The following GABBR2 variants were observed in gnomAD, a reference collection of about 807,000 sequenced individuals.
GABBR2 encodes the protein G-protein coupled receptor 51.
In GABBR2, 23 loss-of-function variants were observed where a neutral mutation model predicts 105.6. That is an observed-to-expected ratio of 0.22 (90% CI 0.16 to 0.31). The LOEUF is 0.31. Ranked by LOEUF, GABBR2 falls within the 10% of genes least tolerant of loss-of-function variation. The pLI is 1.00. For missense variants in GABBR2, 734 were observed against 1,245.5 expected (o/e 0.59, Z 6.18); for synonymous variants, 478 against 499.7 (o/e 0.96, Z 0.58).
chr9:98,394,114 A>C, intron 9 of GABBR2, 61 bp downstream of exon 9: 1 of 1,193,476 alleles, frequency 8.4e-7, no homozygotes. Context: ...ACCCTTAGAC[A>C]ATGTCCAGGC....
chr9:98,340,737 C>T lies in GABBR2; in HGVS notation c.1893+21978G>A, dbSNP rs555315802. Among the ~76,000 whole-genome samples the T allele has an allele frequency of 2.6e-5, 4 of 152,316 alleles. No homozygotes were observed. The South Asian group carries it at 8.3e-4, about 32-fold the overall frequency. On this transcript the variant is annotated intron_variant, in intron 13 of 18. Coordinates refer to ENST00000259455, the MANE Select transcript of GABBR2 (RefSeq NM_005458.8). Reference sequence around the variant, plus strand: ...GAGCACCCTGATGATGAACCATTTACCAAGAGGTAGGTTGGTTGGAGTTTA... The same window carrying T: ...GAGCACCCTGATGATGAACCATTTATCAAGAGGTAGGTTGGTTGGAGTTTA...
At chr9:98,553,179 C>A (rs1828522433) in intron 2 of GABBR2, among the ~76,000 whole-genome samples, 2 of 151,800 alleles carry the variant, frequency 1.3e-5, no homozygotes, top group African/African-American at 4.8e-5. Context: ...CCACTGCACT[C>A]AGCATATTCT....
Position 98,303,428 on chromosome 9 carries a change from A to C in GABBR2, c.2230-5T>G. 6.2e-7 allele frequency: 1 copy of C among 1,613,586 alleles called. No individual in the cohort carries two copies. The highest frequency in any genetic ancestry group is 8.5e-7 in the Non-Finnish European group (1 of 1,179,630). ...GTTTGTTCTCAGGGTGATGAGCTGAAAGGACAAAGGTTGGGGCGGGGTTGA... is the reference window on the plus strand; with the variant it reads ...GTTTGTTCTCAGGGTGATGAGCTGACAGGACAAAGGTTGGGGCGGGGTTGA... On this transcript the variant is annotated splice_polypyrimidine_tract_variant and splice_region_variant and intron_variant, in intron 15 of 18. Transcript: ENST00000259455.
At chr9:98,635,270 C>T (rs936575464) in intron 1 of GABBR2, among the ~76,000 whole-genome samples, 1 of 152,194 alleles carries the variant, frequency 6.6e-6, no homozygotes, top group Admixed American at 6.5e-5. Context: ...TTGGGGACAG[C>T]CACTGAGGTT....
chr9:98,656,219 A>G (rs1337276982), intron 1 of GABBR2, among the ~76,000 whole-genome samples: 1 of 152,154 alleles, frequency 6.6e-6, no homozygotes, highest in Non-Finnish European at 1.5e-5. Flanking sequence ...AAATGGATCC[A>G]GGAGATATTA....
chr9:98,592,592 T>G (rs921144617), intron 1 of GABBR2, among the ~76,000 whole-genome samples: 1 of 152,150 alleles, frequency 6.6e-6, no homozygotes, highest in Non-Finnish European at 1.5e-5. Flanking sequence ...ACTCCAAACC[T>G]TATGCTCTTA....
intron 12 of GABBR2, among the ~76,000 whole-genome samples, chr9:98,367,433 T>C (rs1234246409): frequency 6.6e-6 from 1 of 151,658 alleles, no homozygotes; most frequent in Non-Finnish European, 1.5e-5. Context: ...GTCAAATTCA[T>C]AGAAAGGAGA....
At chr9:98,452,139 G>A (rs765759790) in intron 7 of GABBR2, among the ~76,000 whole-genome samples, 17 of 152,028 alleles carry the variant, frequency 1.1e-4, no homozygotes, top group Non-Finnish European at 1.9e-4. Context: ...CCACACCTTC[G>A]GCACCTGCAC....
At chr9:98,581,628 C>T (rs577111006) in intron 1 of GABBR2, among the ~76,000 whole-genome samples, 12 of 151,920 alleles carry the variant, frequency 7.9e-5, no homozygotes, top group East Asian at 1.9e-4. Context: ...CAACAGAGCA[C>T]GAGCAGATAA....
intron 1 of GABBR2, chr9:98,607,290 C>T (rs993111534): frequency 2.2e-6 from 2 of 893,192 alleles, no homozygotes; most frequent in Non-Finnish European, 3.8e-6. Flanking sequence ...ACGTCAGATG[C>T]CTGATAACGG....
chr9:98,681,992 T>TG (rs35904287), intron 1 of GABBR2, among the ~76,000 whole-genome samples: 1 of 152,098 alleles, frequency 6.6e-6, no homozygotes, highest in Admixed American at 6.5e-5. Flanking sequence ...AATCCCACTT[T>TG]GGGGGGTGGA....
At chr9:98,326,108 C>G (rs1830918058) in intron 13 of GABBR2, among the ~76,000 whole-genome samples, 1 of 152,184 alleles carries the variant, frequency 6.6e-6, no homozygotes, top group South Asian at 2.1e-4. Flanking sequence ...TTGGGAAGAG[C>G]CAAATGAGAG....
At chr9:98,516,836 C>G (rs1248208241) in intron 3 of GABBR2, among the ~76,000 whole-genome samples, 1 of 152,202 alleles carries the variant, frequency 6.6e-6, no homozygotes, top group Admixed American at 6.5e-5. Context: ...TCCAAGGATG[C>G]TTATGCATCT....
Position 98,708,489 on chromosome 9 carries a change from C to T in GABBR2, c.249G>A (p.Leu83=), listed in dbSNP as rs1257379454. 3 of 1,595,072 alleles carry T rather than the reference C, an allele frequency of 1.9e-6. No homozygotes were observed. Among genetic ancestry groups the T allele is most frequent in the Non-Finnish European group, 2.6e-6 (3 of 1,171,202 alleles). ...IGRGVLPAVE[L]AIEQIRNESL... ...ACTCGTTGCGGATCTGCTCGATGGC[C>T]AGTTCCACGGCGGGGAGCACACCGC... The change falls in exon 1 of 19, where the codon CTG becomes CTA. Residue 83 remains leucine, a synonymous_variant. Coordinates refer to ENST00000259455, the MANE Select transcript of GABBR2 (RefSeq NM_005458.8).
chr9:98,417,610 C>G (rs1427653805), intron 7 of GABBR2, among the ~76,000 whole-genome samples: 1 of 152,176 alleles, frequency 6.6e-6, no homozygotes, highest in Non-Finnish European at 1.5e-5. Context: ...GGACAACTGG[C>G]CACATACAAT....
chr9:98,686,263 C>T (rs1331517905), intron 1 of GABBR2, among the ~76,000 whole-genome samples: 5 of 152,240 alleles, frequency 3.3e-5, no homozygotes, highest in African/African-American at 9.6e-5. Context: ...ATAATAATTT[C>T]CCATCCCTCC....
intron 1 of GABBR2, among the ~76,000 whole-genome samples, chr9:98,597,934 C>T (rs1025343135): frequency 9.2e-5 from 14 of 152,124 alleles, no homozygotes; most frequent in Non-Finnish European, 1.6e-4. Context: ...AACTCTACTG[C>T]CTCAGCCTTC....
At chr9:98,556,551 G>A (rs1828586704) in intron 2 of GABBR2, among the ~76,000 whole-genome samples, 1 of 152,168 alleles carries the variant, frequency 6.6e-6, no homozygotes, top group Non-Finnish European at 1.5e-5. Flanking sequence ...GGGTCATCCA[G>A]GATCAGTGGC....
chr9:98,708,310 G>C (rs902552621), intron 1 of GABBR2, 107 bp downstream of exon 1: 7 of 1,163,722 alleles, frequency 6.0e-6, no homozygotes, highest in Middle Eastern at 3.2e-4. Context: ...CGGCAGGCGC[G>C]GGCCGGTCAA....
Sources: gnomAD v4.1 joint callset for allele counts (sites outside exome capture counted in the v4.1 genomes callset) on GRCh38, gnomAD v4.1.1 for gene constraint, MANE v1.5 for transcripts, NCBI Gene and HGNC (gene_info 2026-07-23, HGNC 2026-07-21) for gene names.